The following ARHGEF12 variants were observed in gnomAD, a reference collection of about 807,000 sequenced individuals.
ARHGEF12 encodes the protein Rho guanine nucleotide exchange factor 12, also known as KMT2A/ARHGEF12 fusion protein.
ARHGEF12 carries 66 observed loss-of-function variants against 211.2 expected under a neutral mutation model. That is an observed-to-expected ratio of 0.31 (90% CI 0.26 to 0.38). The LOEUF is 0.38. ARHGEF12 is among the 10% of genes least tolerant of loss of function. The pLI, the probability that ARHGEF12 is intolerant of heterozygous loss-of-function variation, is 1.00. For synonymous variants in ARHGEF12, 592 were observed against 638.4 expected (o/e 0.93, Z 1.09); for missense variants, 1,429 against 1,869.5 (o/e 0.76, Z 4.34).
At chr11:120,483,031 G>A (rs1422253455) in intron 39 of ARHGEF12, among the ~76,000 whole-genome samples, 3 of 152,120 alleles carry the variant, frequency 2.0e-5, no homozygotes, top group African/African-American at 7.2e-5. Flanking sequence ...TAGCAATGGG[G>A]ATATATTCTG....
At chr11:120,443,888 A>T (rs947271702) in intron 15 of ARHGEF12, among the ~76,000 whole-genome samples, 1 of 152,182 alleles carries the variant, frequency 6.6e-6, no homozygotes, top group Non-Finnish European at 1.5e-5. Context: ...TAATCTAGAG[A>T]TTTAAAGTAT....
At chr11:120,398,566 A>G (rs1308961615) in intron 1 of ARHGEF12, among the ~76,000 whole-genome samples, 2 of 152,112 alleles carry the variant, frequency 1.3e-5, no homozygotes, top group Admixed American at 6.5e-5. Flanking sequence ...GGCAGCAGAA[A>G]GTGTGTTTTT....
At chr11:120,351,451 ATAT>A (rs1942963531) in intron 1 of ARHGEF12, among the ~76,000 whole-genome samples, 1 of 3,494 alleles carries the variant, frequency 2.9e-4, no homozygotes, top group Admixed American at 8.6e-3. Context: ...ATATATATAT[ATAT>A]ATTTTTTTTT....
intron 21 of ARHGEF12, 103 bp from the exon 22 acceptor site, chr11:120,451,409 C>A: frequency 2.0e-6 from 2 of 1,000,436 alleles, no homozygotes; most frequent in Non-Finnish European, 3.0e-6. Context: ...GATCTCCTGA[C>A]CTCATGATTC....
At chr11:120,451,464 A>G in intron 21 of ARHGEF12, 48 bp from the exon 22 acceptor site, 1 of 1,588,436 alleles carries the variant, frequency 6.3e-7, no homozygotes, top group Non-Finnish European at 8.6e-7. Flanking sequence ...GGCTTGAGCC[A>G]CCGCACCCAG....
At chr11:120,339,927 C>T (rs775008927) in intron 1 of ARHGEF12, among the ~76,000 whole-genome samples, 7 of 152,088 alleles carry the variant, frequency 4.6e-5, no homozygotes, top group African/African-American at 9.7e-5. Flanking sequence ...CTCCCCAGTC[C>T]GCACCCCTTA....
chr11:120,433,062 A>T (rs141645463), intron 11 of ARHGEF12, among the ~76,000 whole-genome samples: 189 of 152,296 alleles, frequency 1.2e-3, no homozygotes, highest in Middle Eastern at 3.4e-3. Context: ...CACGGTGATA[A>T]GGTTTTATGT....
chr11:120,424,237 T>G (rs1945277751), intron 6 of ARHGEF12, 121 bp from the exon 7 acceptor site: 2 of 581,490 alleles, frequency 3.4e-6, no homozygotes, highest in South Asian at 3.3e-5. Context: ...TACATAAATA[T>G]TTTAATGTAA....
At chr11:120,416,058 CTG>C (rs1480667085) in intron 4 of ARHGEF12, among the ~76,000 whole-genome samples, 1 of 152,134 alleles carries the variant, frequency 6.6e-6, no homozygotes, top group Non-Finnish European at 1.5e-5. Context: ...CAGACTGAGA[CTG>C]TTATGAATTG....
chr11:120,340,528 T>C (rs199607623), intron 1 of ARHGEF12, among the ~76,000 whole-genome samples: 1 of 152,202 alleles, frequency 6.6e-6, no homozygotes, highest in Non-Finnish European at 1.5e-5. Context: ...TGTGACTTTA[T>C]ATGCCTGTAC....
At chr11:120,384,030 C>G (rs1258058288) in intron 1 of ARHGEF12, among the ~76,000 whole-genome samples, 4 of 152,120 alleles carry the variant, frequency 2.6e-5, no homozygotes, top group African/African-American at 9.7e-5. Context: ...TCTTAGGATA[C>G]TTGGGCTGGT....
intron 1 of ARHGEF12, among the ~76,000 whole-genome samples, chr11:120,371,381 G>A (rs1031469254): frequency 3.3e-5 from 5 of 152,292 alleles, no homozygotes; most frequent in East Asian, 1.9e-4. Flanking sequence ...CCAGCTACTC[G>A]GGAGGCTGAG....
chr11:120,364,501 A>G (rs555166085), intron 1 of ARHGEF12, among the ~76,000 whole-genome samples: 1 of 152,348 alleles, frequency 6.6e-6, no homozygotes, highest in Non-Finnish European at 1.5e-5. Flanking sequence ...TTTAGCTGTC[A>G]TTTTATACAA....
At chr11:120,342,873 A>C (rs1431824517) in intron 1 of ARHGEF12, among the ~76,000 whole-genome samples, 1 of 152,180 alleles carries the variant, frequency 6.6e-6, no homozygotes, top group Admixed American at 6.5e-5. Flanking sequence ...GCCACCTTTG[A>C]TGGAAAATCA....
chr11:120,337,172 C>T lies in ARHGEF12; in HGVS notation c.-72C>T. ...CGGAGTTGGGCCTGATCCCAGAGCA[C>T]TGGGGGTGGGGAGGAGGTGTTACTG... On this transcript the variant is annotated 5_prime_UTR_variant, in exon 1 of 41. Transcript: ENST00000397843. The T allele has an allele frequency of 6.3e-7, 1 of 1,589,296 alleles. No individual in the cohort carries two copies.
chr11:120,454,977 A>G (rs927698027), intron 22 of ARHGEF12, among the ~76,000 whole-genome samples: 12 of 152,216 alleles, frequency 7.9e-5, no homozygotes, highest in Non-Finnish European at 1.5e-4. Flanking sequence ...GGGGAGAAAT[A>G]TCAAAAAATG....
chr11:120,368,936 T>A (rs1394023425), intron 1 of ARHGEF12, among the ~76,000 whole-genome samples: 1 of 152,082 alleles, frequency 6.6e-6, no homozygotes, highest in African/African-American at 2.4e-5. Context: ...TAGAAAGATT[T>A]CATAAGTAAA....
At chr11:120,356,160 T>C (rs898402678) in intron 1 of ARHGEF12, among the ~76,000 whole-genome samples, 3 of 152,234 alleles carry the variant, frequency 2.0e-5, no homozygotes, top group African/African-American at 4.8e-5. Context: ...GATTCTACTT[T>C]AAAATTTTTG....
At chr11:120,337,817 A>G (rs910726768) in intron 1 of ARHGEF12, 4 of 985,352 alleles carry the variant, frequency 4.1e-6, no homozygotes, top group Non-Finnish European at 4.8e-6. Context: ...TGACATTACC[A>G]GTAAATCACA....
Sources: gnomAD v4.1 joint callset for allele counts (sites outside exome capture counted in the v4.1 genomes callset) on GRCh38, gnomAD v4.1.1 for gene constraint, MANE v1.5 for transcripts, NCBI Gene and HGNC (gene_info 2026-07-23, HGNC 2026-07-21) for gene names.